Variants in NTRK2 observed in about 807,000 individuals in gnomAD.
The protein encoded by NTRK2 is neurotrophic receptor tyrosine kinase 2.
A neutral mutation model predicts 94.5 loss-of-function variants in NTRK2; 13 were observed. The ratio of observed to expected loss-of-function variants is 0.14; its 90% CI spans 0.09 to 0.22. The LOEUF is 0.22. Among genes scored for constraint, NTRK2 ranks in the 10% least tolerant of loss-of-function variants. The pLI is 1.00. For synonymous variants in NTRK2, 372 were observed against 407.4 expected, an observed-to-expected ratio of 0.91 and a Z score of 1.05; for missense variants, 639 against 1,071.2, an observed-to-expected ratio of 0.60 and a Z score of 5.63.
At chr9:84,809,578 A>G (rs1337190140) in intron 12 of NTRK2, among the ~76,000 whole-genome samples, 1 of 151,608 alleles carries the variant, frequency 6.6e-6, no homozygotes, top group East Asian at 1.9e-4. Context: ...ATTATTTTAT[A>G]TTAGGATTCT....
intron 2 of NTRK2, among the ~76,000 whole-genome samples, chr9:84,686,659 G>A (rs997805942): frequency 6.6e-6 from 1 of 152,208 alleles, no homozygotes; most frequent in Admixed American, 6.5e-5. Flanking sequence ...GTCAGGTCTA[G>A]TTTAATGTAC....
At chr9:84,965,274 C>T (rs1409252923) in intron 17 of NTRK2, among the ~76,000 whole-genome samples, 1 of 152,168 alleles carries the variant, frequency 6.6e-6, no homozygotes, top group Admixed American at 6.5e-5. Context: ...TGAATTAATC[C>T]AAGATAGTTT....
chr9:84,723,350 A>C (rs1178290337), intron 6 of NTRK2, among the ~76,000 whole-genome samples: 1 of 152,248 alleles, frequency 6.6e-6, no homozygotes, highest in Non-Finnish European at 1.5e-5. Context: ...TGCTTTAAGT[A>C]ATGTGCATAA....
At chr9:84,813,460 C>T in intron 12 of NTRK2, 1 of 1,065,092 alleles carries the variant, frequency 9.4e-7, no homozygotes, top group Non-Finnish European at 1.1e-6. Context: ...TCATTGTTCT[C>T]TCACGGTATC....
intron 14 of NTRK2, chr9:84,875,835 A>T (rs1286741382): frequency 9.6e-7 from 1 of 1,044,164 alleles, no homozygotes; most frequent in African/African-American, 1.7e-5. Flanking sequence ...GGCCTCTATC[A>T]ATAGTATGAC....
chr9:84,819,873 C>T (rs2072676033), intron 12 of NTRK2, among the ~76,000 whole-genome samples: 1 of 152,162 alleles, frequency 6.6e-6, no homozygotes, highest in Admixed American at 6.5e-5. Context: ...ACCCCGCCCG[C>T]ATCTCTCTGT....
chr9:84,898,106 C>G (rs1187455328), intron 14 of NTRK2, among the ~76,000 whole-genome samples: 2 of 148,334 alleles, frequency 1.3e-5, no homozygotes, highest in African/African-American at 2.5e-5. Context: ...TGAAAACCAT[C>G]TTTATAAGAC....
At chr9:84,939,067 A>AAAAAAAAAAAAAAAG (rs1554772373) in intron 15 of NTRK2, among the ~76,000 whole-genome samples, 1 of 144,656 alleles carries the variant, frequency 6.9e-6, no homozygotes, top group Non-Finnish European at 1.5e-5. Context: ...AAAAAAAAAA[A>AAAAAAAAAAAAAAAG]AAAAGAAAAG....
At chr9:84,896,135 T>C (rs1455232688) in intron 14 of NTRK2, among the ~76,000 whole-genome samples, 1 of 152,214 alleles carries the variant, frequency 6.6e-6, no homozygotes, top group Non-Finnish European at 1.5e-5. Context: ...GCAACTTTGG[T>C]TAATGCACGT....
At chr9:84,810,177 A>T (rs530959996) in intron 12 of NTRK2, among the ~76,000 whole-genome samples, 2 of 152,318 alleles carry the variant, frequency 1.3e-5, no homozygotes, top group East Asian at 3.9e-4. Context: ...CCTATATATA[A>T]AAATTCTTCA....
At chr9:84,916,140 G>A (rs1418797893) in intron 14 of NTRK2, among the ~76,000 whole-genome samples, 1 of 151,908 alleles carries the variant, frequency 6.6e-6, no homozygotes, top group African/African-American at 2.4e-5. Flanking sequence ...CAGTGTAGTT[G>A]CTGGATCATA....
intron 14 of NTRK2, among the ~76,000 whole-genome samples, chr9:84,870,331 G>GTGTGTGTGTATATATATATATATA (rs1349303529): frequency 1.3e-4 from 4 of 31,182 alleles, no homozygotes; most frequent in Non-Finnish European, 2.0e-4. Context: ...GTGTGTGTGT[G>GTGTGTGTGTATATATATATATATA]TATATATATA....
At chr9:85,015,493 G>A (rs532276309) in intron 17 of NTRK2, among the ~76,000 whole-genome samples, 81 of 152,276 alleles carry the variant, frequency 5.3e-4, no homozygotes, top group African/African-American at 1.9e-3. Context: ...TCTGTTTCAA[G>A]GAACACATTG....
chr9:84,912,777 C>T (rs991351215), intron 14 of NTRK2, among the ~76,000 whole-genome samples: 2 of 151,874 alleles, frequency 1.3e-5, no homozygotes, highest in East Asian at 1.9e-4. Context: ...ACCACCACCC[C>T]CGGCTAATTT....
chr9:84,800,490 C>T lies in NTRK2; in HGVS notation c.1396+48405C>T, dbSNP rs140975622. On this transcript the variant is annotated intron_variant, in intron 12 of 18. Transcript: ENST00000277120. ...TGCTGGGATTACAGATGTGGGCCAC[C>T]GTGCCTGGCCAAGATGTAGTTTTAT... Among the ~76,000 whole-genome samples the T allele has an allele frequency of 1.8e-3, 273 of 152,294 alleles. 1 individual carries two copies. The highest frequency in any genetic ancestry group is 6.2e-3 in the African/African-American group (256 of 41,566).
chr9:84,923,780 G>T (rs2077645316), intron 14 of NTRK2, among the ~76,000 whole-genome samples: 2 of 152,048 alleles, frequency 1.3e-5, no homozygotes. Flanking sequence ...GCTGGGTATG[G>T]TGGCACACAC....
At chr9:84,875,088 C>T (rs199661482) in intron 14 of NTRK2, 8 of 1,059,676 alleles carry the variant, frequency 7.5e-6, no homozygotes, top group East Asian at 5.2e-5. Context: ...CCACTGATAT[C>T]GTTTGGATAT....
intron 17 of NTRK2, among the ~76,000 whole-genome samples, chr9:84,995,380 T>G (rs752214354): frequency 1.3e-5 from 2 of 150,612 alleles, no homozygotes; most frequent in African/African-American, 2.5e-5. Context: ...TGGTTTGTTT[T>G]TTGTTTGTTT....
chr9:84,670,773 G>A lies in NTRK2; in HGVS notation c.25G>A (p.Gly9Arg), dbSNP rs1373336521. The change falls in exon 2 of 19, where the codon GGA (glycine) becomes AGA (arginine). Residue 9 changes from glycine to arginine, a missense_variant. Transcript: ENST00000277120. Reference protein sequence around the residue: MSSWIRWHGPAMARLWGFC... With the variant: MSSWIRWHRPAMARLWGFC... ...GATGTCGTCCTGGATAAGGTGGCAT[G>A]GACCCGCCATGGCGCGGCTCTGGGG... is the stretch of plus-strand genomic sequence containing the variant. The A allele has an allele frequency of 7.4e-6, 12 of 1,613,598 alleles. No homozygotes were observed. Among genetic ancestry groups the A allele is most frequent in the Middle Eastern group, 1.7e-4 (1 of 5,840 alleles).
Sources: gnomAD v4.1 joint callset for allele counts (sites outside exome capture counted in the v4.1 genomes callset) on GRCh38, gnomAD v4.1.1 for gene constraint, MANE v1.5 for transcripts, NCBI Gene and HGNC (gene_info 2026-07-23, HGNC 2026-07-21) for gene names.